The following ASTN2 variants were observed in gnomAD, a reference collection of about 807,000 sequenced individuals.
ASTN2 encodes astrotactin-2.
In ASTN2, 54 loss-of-function variants were observed where a neutral mutation model predicts 139.8. The observed-to-expected ratio is 0.39, with a 90% CI of 0.31 to 0.48. The LOEUF (loss-of-function observed/expected upper bound fraction) is 0.48. ASTN2 is among the 20% of genes least tolerant of loss of function. The pLI is 0.95. For synonymous variants in ASTN2, 756 were observed against 719.5 expected, an observed-to-expected ratio of 1.05 and a Z score of -0.81; for missense variants, 1,565 against 1,725.1, an observed-to-expected ratio of 0.91 and a Z score of 1.64.
At chr9:116,704,881 A>G (rs1827951218) in intron 16 of ASTN2, among the ~76,000 whole-genome samples, 1 of 152,132 alleles carries the variant, frequency 6.6e-6, no homozygotes. Context: ...TAAAGATTTT[A>G]TATATATATG....
At chr9:117,019,381 A>C (rs1837806646) in intron 6 of ASTN2, among the ~76,000 whole-genome samples, 1 of 152,150 alleles carries the variant, frequency 6.6e-6, no homozygotes, top group African/African-American at 2.4e-5. Context: ...CAAGCATCCA[A>C]AAATCAGCGG....
intron 4 of ASTN2, among the ~76,000 whole-genome samples, chr9:117,121,212 A>T (rs189799103): frequency 1.5e-4 from 23 of 152,338 alleles, no homozygotes; most frequent in African/African-American, 4.3e-4. Flanking sequence ...TATTTCACAG[A>T]GTATCACATT....
intron 12 of ASTN2, among the ~76,000 whole-genome samples, chr9:116,818,972 T>C (rs1023550925): frequency 6.6e-6 from 1 of 152,164 alleles, no homozygotes; most frequent in Non-Finnish European, 1.5e-5. Flanking sequence ...TTCAGAATTA[T>C]CATTATATTA....
chr9:116,807,296 A>G (rs1831053764), intron 12 of ASTN2, among the ~76,000 whole-genome samples: 1 of 152,222 alleles, frequency 6.6e-6, no homozygotes, highest in African/African-American at 2.4e-5. Flanking sequence ...AGCTGATGCT[A>G]CAGATATAGA....
intron 2 of ASTN2, among the ~76,000 whole-genome samples, chr9:117,269,501 T>C (rs1379898747): frequency 2.0e-5 from 3 of 152,184 alleles, no homozygotes; most frequent in Non-Finnish European, 4.4e-5. Flanking sequence ...GAACTGCTTC[T>C]TAGCTCCAGG....
At chr9:116,947,035 G>T (rs992479937) in intron 10 of ASTN2, among the ~76,000 whole-genome samples, 1 of 151,836 alleles carries the variant, frequency 6.6e-6, no homozygotes, top group Non-Finnish European at 1.5e-5. Context: ...CAGGTTATAA[G>T]GAGAGGAGAG....
At chr9:116,786,830 T>A (rs772472995) in intron 13 of ASTN2, among the ~76,000 whole-genome samples, 1 of 152,022 alleles carries the variant, frequency 6.6e-6, no homozygotes, top group Non-Finnish European at 1.5e-5. Flanking sequence ...CAGGTGAAGA[T>A]AATTGAGTCA....
intron 19 of ASTN2, among the ~76,000 whole-genome samples, chr9:116,565,215 AACACACACAC>A (rs59415099): frequency 5.5e-3 from 734 of 134,280 alleles, no homozygotes; most frequent in Middle Eastern, 0.023. Flanking sequence ...GCTTGCCACA[AACACACACAC>A]ACACACACAC....
intron 20 of ASTN2, among the ~76,000 whole-genome samples, chr9:116,478,529 T>C (rs1849065320): frequency 6.6e-6 from 1 of 152,142 alleles, no homozygotes; most frequent in Non-Finnish European, 1.5e-5. Context: ...TTCAGGGTCC[T>C]ATCTAGGATG....
At chr9:117,073,331 C>T (rs1187610030) in intron 5 of ASTN2, among the ~76,000 whole-genome samples, 2 of 152,096 alleles carry the variant, frequency 1.3e-5, no homozygotes, top group African/African-American at 2.4e-5. Flanking sequence ...TGCTTCTCCA[C>T]TCCACTCCTG....
intron 2 of ASTN2, among the ~76,000 whole-genome samples, chr9:117,251,487 T>G (rs1391896777): frequency 6.6e-6 from 1 of 152,170 alleles, no homozygotes; most frequent in East Asian, 1.9e-4. Context: ...GACAGGAATT[T>G]CATTCTATTC....
At chr9:117,084,056 A>G (rs1232598539) in intron 5 of ASTN2, among the ~76,000 whole-genome samples, 1 of 150,970 alleles carries the variant, frequency 6.6e-6, no homozygotes, top group Non-Finnish European at 1.5e-5. Flanking sequence ...AAAAAAAGCC[A>G]ATGTCTATTT....
chr9:116,781,289 G>A (rs1005183695), intron 13 of ASTN2, among the ~76,000 whole-genome samples: 1 of 152,166 alleles, frequency 6.6e-6, no homozygotes, highest in East Asian at 1.9e-4. Flanking sequence ...GAGTGACTAT[G>A]ATAACCAAAA....
intron 16 of ASTN2, among the ~76,000 whole-genome samples, chr9:116,680,803 G>A (rs1053286537): frequency 5.3e-5 from 8 of 152,070 alleles, no homozygotes; most frequent in African/African-American, 1.4e-4. Context: ...ATGCAGAAAA[G>A]GCCTTTGACA....
chr9:116,602,670 T>C (rs1854967313), intron 19 of ASTN2, among the ~76,000 whole-genome samples: 1 of 152,216 alleles, frequency 6.6e-6, no homozygotes, highest in Non-Finnish European at 1.5e-5. Flanking sequence ...GGCTCACATT[T>C]GTAATCCCAG....
chr9:116,833,088 G>A (rs1831868882), intron 11 of ASTN2, among the ~76,000 whole-genome samples: 1 of 152,050 alleles, frequency 6.6e-6, no homozygotes, highest in South Asian at 2.1e-4. Context: ...TTCCTTAATA[G>A]TTATAGGGCT....
intron 10 of ASTN2, among the ~76,000 whole-genome samples, chr9:116,933,808 T>C (rs758532857): frequency 6.6e-6 from 1 of 151,856 alleles, no homozygotes; most frequent in Non-Finnish European, 1.5e-5. Context: ...GACAGGATGA[T>C]GTGGATGGCC....
intron 10 of ASTN2, among the ~76,000 whole-genome samples, chr9:116,928,536 G>A (rs1018025407): frequency 6.6e-6 from 1 of 152,074 alleles, no homozygotes; most frequent in African/African-American, 2.4e-5. Context: ...AGCCTACCAC[G>A]TGCAAGGGAG....
intron 13 of ASTN2, among the ~76,000 whole-genome samples, chr9:116,803,522 A>ATATATTTT (rs1554748694): frequency 1.2e-3 from 25 of 21,018 alleles, no homozygotes; most frequent in Non-Finnish European, 1.6e-3. Context: ...ATATATATAT[A>ATATATTTT]TTTTTTTTTT....
Sources: allele counts gnomAD v4.1 joint callset (sites outside exome capture counted in the v4.1 genomes callset), GRCh38; gene constraint gnomAD v4.1.1; transcripts MANE v1.5; gene names NCBI Gene and HGNC (gene_info 2026-07-23, HGNC 2026-07-21).